Variants in PEBP1 observed in about 807,000 individuals in gnomAD.
PEBP1 encodes the protein phosphatidylethanolamine binding protein 1.
Under a neutral mutation model 22.7 loss-of-function variants are expected in PEBP1, and 17 were observed. The observed-to-expected ratio is 0.75, with a 90% confidence interval of 0.51 to 1.12. The LOEUF (loss-of-function observed/expected upper bound fraction) is 1.12. Ranked by LOEUF, PEBP1 falls within the 50% of genes most tolerant of loss-of-function variation. The pLI is 0.00. For synonymous variants in PEBP1, 106 were observed against 104.3 expected (o/e 1.02, Z -0.10); for missense variants, 205 against 243.5 (o/e 0.84, Z 1.05).
rs530376448 is a variant in PEBP1 at position 118,136,459 on chromosome 12, G to A, written c.135+115G>A. 4 of 1,259,168 alleles carry A rather than the reference G, an allele frequency of 3.2e-6. No individual in the cohort carries two copies. In the South Asian group the frequency reaches 6.2e-5, roughly 20 times the overall value. 78.0% of individuals were successfully genotyped at this position (1,259,168 alleles called of 1,614,324 possible). Reference sequence around the variant, plus strand: ...GGCGGTGGGGAGGTTCAGCCTGCGTGTGTCGAGGCCCCCCCAGGCCAGAGG... The same window carrying A: ...GGCGGTGGGGAGGTTCAGCCTGCGTATGTCGAGGCCCCCCCAGGCCAGAGG... On this transcript the variant is annotated intron_variant, in intron 1 of 3. Coordinates refer to ENST00000261313, the MANE Select transcript of PEBP1 (RefSeq NM_002567.4). This position sits in a 1 kb window ranked among gnomAD's most constrained non-coding sequence, Gnocchi z 5.6.
At chr12:118,140,799 A>G (rs1195791955) in intron 3 of PEBP1, among the ~76,000 whole-genome samples, 1 of 151,826 alleles carries the variant, frequency 6.6e-6, no homozygotes, top group East Asian at 1.9e-4. Context: ...CGGTCTCCCA[A>G]AGTGTTGGGA....
In PEBP1 at chr12:118,136,970, A is replaced by T. The variant is rs1020187684; in HGVS notation, c.135+626A>T. On this transcript the variant is annotated intron_variant, in intron 1 of 3. Coordinates refer to ENST00000261313, the MANE Select transcript of PEBP1 (RefSeq NM_002567.4). This position sits in a 1 kb window ranked among gnomAD's most constrained non-coding sequence, Gnocchi z 5.6. ...TTGCAGACGCCACTGCTAGTTGGTTATGAAGCTCCGGGCAACAGCGTAAAA... is the reference window on the plus strand; with the variant it reads ...TTGCAGACGCCACTGCTAGTTGGTTTTGAAGCTCCGGGCAACAGCGTAAAA... 6.6e-6 allele frequency among the ~76,000 whole-genome samples: 1 copy of T among 152,178 alleles called. No homozygotes were observed. The highest frequency in any genetic ancestry group is 2.4e-5 in the African/African-American group (1 of 41,446).
At chr12:118,140,749 AG>A (rs1285286224) in intron 3 of PEBP1, among the ~76,000 whole-genome samples, 1 of 152,160 alleles carries the variant, frequency 6.6e-6, no homozygotes, top group African/African-American at 2.4e-5. Flanking sequence ...CGTGTTAGCC[AG>A]GATGGTCTCA....
intron 1 of PEBP1, among the ~76,000 whole-genome samples, chr12:118,137,776 C>G (rs1377273035): frequency 1.3e-5 from 2 of 152,032 alleles, no homozygotes. Context: ...CAGCCTCTGC[C>G]TCCCCAGCTC....
At chr12:118,137,470 G>T (rs2034075157) in intron 1 of PEBP1, among the ~76,000 whole-genome samples, 1 of 152,124 alleles carries the variant, frequency 6.6e-6, no homozygotes, top group Non-Finnish European at 1.5e-5. Flanking sequence ...AGGATCGATC[G>T]ATTGAGCGCT....
rs2034065111 is a variant in PEBP1 at position 118,136,785 on chromosome 12, T to C, written c.135+441T>C. On this transcript the variant is annotated intron_variant, in intron 1 of 3. Transcript: ENST00000261313. This position sits in a 1 kb window ranked among gnomAD's most constrained non-coding sequence, Gnocchi z 5.6. ...AGGGCTGAAGCCTCACCCGAGAGCC[T>C]GTGACGCATTATGTAACTGGCGATG... Among the ~76,000 whole-genome samples the C allele has an allele frequency of 3.3e-5, 5 of 152,258 alleles. No individual in the cohort carries two copies. The South Asian group carries it at 1.0e-3, about 32-fold the overall frequency.
intron 2 of PEBP1, among the ~76,000 whole-genome samples, chr12:118,138,608 C>G (rs1269692871): frequency 1.3e-5 from 2 of 151,924 alleles, no homozygotes; most frequent in African/African-American, 4.8e-5. Context: ...CTTGTCCAGG[C>G]TGCTCTCGAA....
Position 118,138,074 on chromosome 12 carries a change from T to G in PEBP1, c.171T>G (p.Gly57=). The G allele has an allele frequency of 6.2e-7, 1 of 1,613,866 alleles. No homozygotes were observed. Among genetic ancestry groups the G allele is most frequent in the Non-Finnish European group, 8.5e-7 (1 of 1,179,902 alleles). Residue 57 remains glycine (G), a synonymous_variant, in exon 2 of 4, where the codon GGT becomes GGG. Transcript: ENST00000261313. ...GACCCACCAGCATTTCGTGGGATGG[T>G]CTTGATTCAGGGAAGCTCTACACCT... ...KNRPTSISWD[G]LDSGKLYTLV...
At chr12:118,142,811 C>T (rs981056643) in intron 3 of PEBP1, among the ~76,000 whole-genome samples, 2 of 140,612 alleles carry the variant, frequency 1.4e-5, no homozygotes, top group South Asian at 2.3e-4. Context: ...ACTACAGTAG[C>T]GTTAACTACA....
intron 3 of PEBP1, among the ~76,000 whole-genome samples, chr12:118,141,461 C>T (rs757526592): frequency 2.8e-4 from 42 of 152,174 alleles, no homozygotes; most frequent in African/African-American, 8.4e-4. Context: ...GGACCAGGCA[C>T]GGTGGCTCAC....
intron 3 of PEBP1, among the ~76,000 whole-genome samples, chr12:118,139,904 G>A (rs2034100536): frequency 6.6e-6 from 1 of 152,098 alleles, no homozygotes; most frequent in Non-Finnish European, 1.5e-5. Context: ...CTTTGCCCGG[G>A]GTGATCTTTG....
rs988989242 is a variant in PEBP1 at position 118,139,305 on chromosome 12, C to G, written c.246-146C>G. ...CCAGCCTGGGTGACAGAGTGAGACT[C>G]TGTCTCAAAAAAAAAAAAAAAAGAA... On this transcript the variant is annotated intron_variant, in intron 2 of 3. Transcript: ENST00000261313. The G allele has an allele frequency of 2.6e-5, 14 of 540,890 alleles. No homozygotes were observed. In the East Asian group the frequency reaches 3.3e-4, roughly 13 times the overall value. The allele number at this position is 540,890 out of a possible 1,614,324, so 33.5% of individuals were successfully genotyped here.
chr12:118,144,969 A>G lies in PEBP1; in HGVS notation c.*166A>G. On this transcript the variant is annotated 3_prime_UTR_variant, in exon 4 of 4. Transcript: ENST00000261313. Reference sequence around the variant, plus strand: ...TGACTTTTCCTGCTGCCTGGCCTTTATAATTTTACTCACTCACTCTGATTT... The same window carrying G: ...TGACTTTTCCTGCTGCCTGGCCTTTGTAATTTTACTCACTCACTCTGATTT... 6.5e-7 allele frequency: 1 copy of G among 1,530,524 alleles called. No homozygotes were observed. The highest frequency in any genetic ancestry group is 2.0e-5 in the Admixed American group (1 of 50,856). 94.8% of individuals were successfully genotyped at this position (1,530,524 alleles called of 1,614,324 possible).
At chr12:118,141,255 G>T (rs2034111403) in intron 3 of PEBP1, among the ~76,000 whole-genome samples, 1 of 151,868 alleles carries the variant, frequency 6.6e-6, no homozygotes, top group Admixed American at 6.6e-5. Context: ...TAGCTGGGAT[G>T]ACAGGCGCCC....
rs767891712 is a variant in PEBP1 at position 118,144,719 on chromosome 12, C to T, written c.480C>T (p.Leu160=). The change falls in exon 4 of 4, where the codon CTC becomes CTT. Residue 160 remains leucine, a synonymous_variant. Transcript: ENST00000261313. The stretch of plus-strand genomic sequence containing the variant: ...CGTCCTTCCGTAAAAAGTATGAGCT[C>T]AGGGCCCCGGTGGCTGGCACGTGTT... ...KVASFRKKYE[L]RAPVAGTCYQ... 18 of 1,614,134 alleles carry T rather than the reference C, an allele frequency of 1.1e-5. No homozygotes were observed. Among genetic ancestry groups the T allele is most frequent in the South Asian group, 9.9e-5 (9 of 91,082 alleles).
intron 2 of PEBP1, among the ~76,000 whole-genome samples, chr12:118,138,604 C>T (rs2034087144): frequency 6.6e-6 from 1 of 151,816 alleles, no homozygotes; most frequent in African/African-American, 2.4e-5. Flanking sequence ...TCACCTTGTC[C>T]AGGCTGCTCT....
At chr12:118,139,638 C>T (rs975089534) in intron 3 of PEBP1, 87 bp downstream of exon 3, 18 of 781,924 alleles carry the variant, frequency 2.3e-5, no homozygotes, top group African/African-American at 5.2e-5. Context: ...TTTGAGAGCC[C>T]TTAACCCTGC....
At position 118,136,476 on chromosome 12, in the gene PEBP1, G is replaced by T. The variant is rs1344553974; in HGVS notation, c.135+132G>T. On this transcript the variant is annotated intron_variant, in intron 1 of 3. Transcript: ENST00000261313. The surrounding 1 kb of genome is among the most constrained non-coding windows in gnomAD (Gnocchi z 5.6). ...GCCTGCGTGTGTCGAGGCCCCCCCA[G>T]GCCAGAGGTCCCGGGGTCCATGTCC... 28 of 1,116,634 alleles carry T rather than the reference G, an allele frequency of 2.5e-5. No homozygotes were observed. The highest frequency in any genetic ancestry group is 3.0e-4 in the Middle Eastern group (1 of 3,310). The allele number at this position is 1,116,634 out of a possible 1,614,324, so 69.2% of individuals were successfully genotyped here. A position where few individuals can be genotyped will look rare whatever the true frequency, so the allele number is the denominator to read the frequency against.
At position 118,136,612 on chromosome 12, in the gene PEBP1, G is replaced by GT. The variant is rs1377520638; in HGVS notation, c.135+268_135+269insT. Among the ~76,000 whole-genome samples the GT allele has an allele frequency of 6.6e-6, 1 of 152,222 alleles. No homozygotes were observed. Among genetic ancestry groups the GT allele is most frequent in the Non-Finnish European group, 1.5e-5 (1 of 68,050 alleles). On this transcript the variant is annotated intron_variant, in intron 1 of 3. Coordinates refer to ENST00000261313, the MANE Select transcript of PEBP1 (RefSeq NM_002567.4). The surrounding 1 kb of genome is among the most constrained non-coding windows in gnomAD (Gnocchi z 5.6). The stretch of plus-strand genomic sequence containing the variant: ...TTTCCCGGGCTTCAGACCCAAGAGG[G>GT]ACCTAGGTTCGGAAACAGGCCGGAT...
Sources: allele counts gnomAD v4.1 joint callset (sites outside exome capture counted in the v4.1 genomes callset), GRCh38; gene constraint gnomAD v4.1.1; non-coding constraint Gnocchi (gnomAD v3.1); transcripts MANE v1.5; gene names NCBI Gene and HGNC (gene_info 2026-07-23, HGNC 2026-07-21).